ATF2: variants seen among roughly 807,000 people sequenced by gnomAD.
The protein encoded by ATF2 is activating transcription factor 2, also known as cyclic AMP-dependent transcription factor ATF-2.
A neutral mutation model predicts 60.6 loss-of-function variants in ATF2; 24 were observed. The ratio of observed to expected loss-of-function variants is 0.40; its 90% CI spans 0.29 to 0.56. ATF2 has a LOEUF of 0.56. ATF2 is among the 20% of genes least tolerant of loss of function. The pLI, the probability that ATF2 is intolerant of heterozygous loss-of-function variation, is 0.54. For synonymous variants in ATF2, 206 were observed against 215.4 expected (o/e 0.96, Z 0.38); for missense variants, 433 against 607.7 (o/e 0.71, Z 3.02).
At chr2:175,106,666 T>C (rs1695688866) in intron 10 of ATF2, among the ~76,000 whole-genome samples, 1 of 151,390 alleles carries the variant, frequency 6.6e-6, no homozygotes, top group Non-Finnish European at 1.5e-5. Context: ...TGAAACCCCA[T>C]CTCTACTAAA....
intron 2 of ATF2, 92 bp downstream of exon 2, chr2:175,150,968 T>C (rs1361510197): frequency 1.3e-5 from 2 of 152,558 alleles, no homozygotes; most frequent in African/African-American, 4.8e-5. Context: ...TGAAGACAAC[T>C]GTCTGGAAAC....
intron 10 of ATF2, among the ~76,000 whole-genome samples, chr2:175,102,371 T>C (rs1695368191): frequency 6.6e-6 from 1 of 152,218 alleles, no homozygotes; most frequent in Non-Finnish European, 1.5e-5. Context: ...GCATCTGATA[T>C]TGGTCAGTCC....
chr2:175,157,463 A>G (rs552910520), intron 1 of ATF2, among the ~76,000 whole-genome samples: 1 of 152,310 alleles, frequency 6.6e-6, no homozygotes, highest in Non-Finnish European at 1.5e-5. Flanking sequence ...AACTGAGGCC[A>G]TCTCTACAGG....
chr2:175,117,965 C>G (rs1407932394), intron 7 of ATF2, 25 bp downstream of exon 7: 6 of 1,584,098 alleles, frequency 3.8e-6, no homozygotes, highest in Middle Eastern at 1.7e-4. Flanking sequence ...CTCCCCCTTA[C>G]TTTGTATTTC....
At chr2:175,089,966 T>A (rs1172440699) in intron 12 of ATF2, among the ~76,000 whole-genome samples, 1 of 152,208 alleles carries the variant, frequency 6.6e-6, no homozygotes, top group Admixed American at 6.5e-5. Flanking sequence ...GAAAGCATTA[T>A]GCTTTATTAA....
intron 3 of ATF2, among the ~76,000 whole-genome samples, chr2:175,135,562 G>A (rs911784053): frequency 3.3e-5 from 5 of 152,176 alleles, no homozygotes; most frequent in Admixed American, 1.3e-4. Context: ...ATCACTGTAA[G>A]TTAGAACAAA....
chr2:175,121,411 G>A, intron 5 of ATF2, 33 bp downstream of exon 5: 1 of 1,441,000 alleles, frequency 6.9e-7, no homozygotes, highest in Non-Finnish European at 9.5e-7. Flanking sequence ...GGTGAAATAT[G>A]TATACAAGCT....
intron 2 of ATF2, among the ~76,000 whole-genome samples, chr2:175,137,709 G>A (rs765861321): frequency 1.3e-5 from 2 of 151,972 alleles, no homozygotes; most frequent in Non-Finnish European, 2.9e-5. Flanking sequence ...TTAGCCCTTG[G>A]TACCCTTCTC....
At chr2:175,107,044 G>A (rs1049310662) in intron 10 of ATF2, among the ~76,000 whole-genome samples, 1 of 151,982 alleles carries the variant, frequency 6.6e-6, no homozygotes, top group African/African-American at 2.4e-5. Context: ...AGGATCACTT[G>A]AGGCTGGGAG....
At chr2:175,161,115 C>G (rs552820807) in intron 1 of ATF2, among the ~76,000 whole-genome samples, 4 of 152,206 alleles carry the variant, frequency 2.6e-5, no homozygotes, top group South Asian at 2.1e-4. Flanking sequence ...ATATGCTATA[C>G]TGAAGGAATT....
At position 175,142,446 on chromosome 2, in the gene ATF2, C is replaced by T. The variant is rs1329387615; in HGVS notation, c.-43-5960G>A. 4.6e-5 allele frequency among the ~76,000 whole-genome samples: 7 copies of T among 152,202 alleles called. No individual in the cohort carries two copies. In the East Asian group the frequency reaches 1.2e-3, roughly 25 times the overall value. ...CCTCCCAAAGTGCTGGGATTACAGG[C>T]CTGAGCCATTGTGCCTGGCCCTCTT... On this transcript the variant is annotated intron_variant, in intron 2 of 13. Coordinates refer to ENST00000264110, the MANE Select transcript of ATF2 (RefSeq NM_001880.4).
chr2:175,127,972 G>A (rs1697455153), intron 4 of ATF2, among the ~76,000 whole-genome samples: 1 of 152,118 alleles, frequency 6.6e-6, no homozygotes, highest in Non-Finnish European at 1.5e-5. Context: ...CTAAATTGGA[G>A]AATTTACCCT....
chr2:175,106,868 A>C (rs1695706770), intron 10 of ATF2, among the ~76,000 whole-genome samples: 1 of 152,186 alleles, frequency 6.6e-6, no homozygotes, highest in South Asian at 2.1e-4. Flanking sequence ...TTATGCAATA[A>C]TAAAAACAAT....
chr2:175,119,330 G>C (rs1414862338), intron 5 of ATF2, among the ~76,000 whole-genome samples: 4 of 151,558 alleles, frequency 2.6e-5, no homozygotes, highest in Non-Finnish European at 5.9e-5. Context: ...TAGCCTAAGT[G>C]AAGTAAAAGT....
At chr2:175,122,866 C>A (rs1433271877) in intron 4 of ATF2, among the ~76,000 whole-genome samples, 1 of 151,972 alleles carries the variant, frequency 6.6e-6, no homozygotes, top group African/African-American at 2.4e-5. Flanking sequence ...CTAAAAAAGA[C>A]CCTAAACCAT....
rs530379567 is a variant in ATF2 at position 175,119,123 on chromosome 2, T to C, written c.200-754A>G. Among the ~76,000 whole-genome samples, 14 of 151,758 alleles carry C rather than the reference T, an allele frequency of 9.2e-5. No homozygotes were observed. In the South Asian group the frequency reaches 2.9e-3, roughly 31 times the overall value. On this transcript the variant is annotated intron_variant, in intron 5 of 13. Transcript: ENST00000264110. ...TATGTACATTAACATAGGTACTCAG[T>C]GTCCATGTATAGGCTACAAAAAATG...
intron 7 of ATF2, among the ~76,000 whole-genome samples, chr2:175,116,647 A>ATT (rs112318637): frequency 3.1e-4 from 45 of 146,620 alleles, no homozygotes; most frequent in Non-Finnish European, 4.8e-4. Context: ...AGAGGTCCAG[A>ATT]TTTTTTTTTT....
intron 13 of ATF2, among the ~76,000 whole-genome samples, chr2:175,078,075 C>T (rs1693481745): frequency 6.6e-6 from 1 of 152,200 alleles, no homozygotes; most frequent in South Asian, 2.1e-4. Flanking sequence ...TCAAGTGATC[C>T]TCTTGCCTCA....
intron 11 of ATF2, among the ~76,000 whole-genome samples, chr2:175,095,147 G>A (rs976900918): frequency 2.0e-5 from 3 of 151,550 alleles, no homozygotes; most frequent in South Asian, 2.1e-4. Context: ...GCCCAGGCTG[G>A]AGTGCAATGA....
Sources: allele counts gnomAD v4.1 joint callset (sites outside exome capture counted in the v4.1 genomes callset), GRCh38; gene constraint gnomAD v4.1.1; transcripts MANE v1.5; gene names NCBI Gene and HGNC (gene_info 2026-07-23, HGNC 2026-07-21).